Variants in RIMKLA observed in about 807,000 individuals in gnomAD.
The protein encoded by RIMKLA is ribosomal modification protein rimK like family member A.
In RIMKLA, 14 loss-of-function variants were observed where a neutral mutation model predicts 32.7. The ratio of observed to expected loss-of-function variants is 0.43; its 90% CI spans 0.28 to 0.67. RIMKLA has a LOEUF of 0.67. Among genes scored for constraint, RIMKLA ranks in the 30% least tolerant of loss-of-function variants. The pLI, the probability that RIMKLA is intolerant of heterozygous loss-of-function variation, is 0.18. For missense variants in RIMKLA, 410 were observed against 519.0 expected (o/e 0.79, Z 2.04); for synonymous variants, 176 against 204.1 (o/e 0.86, Z 1.18).
rs1642885656 is a variant in RIMKLA, at chr1:42,381,210, ACTAGCCGCACT to A, written c.163+119_163+129del. 12 of 744,734 alleles carry A rather than the reference ACTAGCCGCACT, an allele frequency of 1.6e-5. 1 individual carries two copies. The East Asian group carries it at 3.7e-4, about 23-fold the overall frequency. 46.1% of individuals were successfully genotyped at this position (744,734 alleles called of 1,614,324 possible). On this transcript the variant is annotated intron_variant, in intron 1 of 4. Transcript: ENST00000431473. ...AGCAGAGTCTCCTTCGGGCCCGCAC[ACTAGCCGCACT>A]CTAGCTGCGAGACTTCTTGGGGTTG...
At chr1:42,408,163 A>G (rs945526268) in intron 3 of RIMKLA, among the ~76,000 whole-genome samples, 2 of 152,216 alleles carry the variant, frequency 1.3e-5, no homozygotes, top group African/African-American at 4.8e-5. Flanking sequence ...TGCATCGTCC[A>G]CACTTGCTGG....
intron 2 of RIMKLA, among the ~76,000 whole-genome samples, chr1:42,401,294 G>C (rs995067598): frequency 6.6e-6 from 1 of 152,154 alleles, no homozygotes; most frequent in Non-Finnish European, 1.5e-5. Flanking sequence ...ACAGGCCACA[G>C]CCTGTTATTA....
In RIMKLA at chr1:42,387,668, C is replaced by T. The variant is rs149112952; in HGVS notation, c.163+6571C>T. 3.0e-3 allele frequency among the ~76,000 whole-genome samples: 463 copies of T among 152,196 alleles called. 7 individuals carry two copies. The highest frequency in any genetic ancestry group is 9.6e-3 in the East Asian group (50 of 5,188). On this transcript the variant is annotated intron_variant, in intron 1 of 4. Coordinates refer to ENST00000431473, the MANE Select transcript of RIMKLA (RefSeq NM_173642.4). ...TGGGAACAGAGGCAGGCTTCACGCTCATTATTATGATTTTATTCATTTTTT... is the reference window on the plus strand; with the variant it reads ...TGGGAACAGAGGCAGGCTTCACGCTTATTATTATGATTTTATTCATTTTTT...
chr1:42,397,108 C>T (rs1643054346), intron 1 of RIMKLA, among the ~76,000 whole-genome samples: 1 of 152,190 alleles, frequency 6.6e-6, no homozygotes, highest in South Asian at 2.1e-4. Flanking sequence ...GTTCCTTGGA[C>T]TCACATGATC....
At chr1:42,404,258 A>G (rs917122858) in intron 2 of RIMKLA, among the ~76,000 whole-genome samples, 11 of 152,264 alleles carry the variant, frequency 7.2e-5, no homozygotes, top group Admixed American at 2.0e-4. Flanking sequence ...GTATCTACCT[A>G]TATGATTGTT....
chr1:42,410,682 A>T (rs1643189993), intron 4 of RIMKLA, among the ~76,000 whole-genome samples: 1 of 152,202 alleles, frequency 6.6e-6, no homozygotes, highest in South Asian at 2.1e-4. Context: ...CTTTGGTCGA[A>T]TGCATAAACC....
At position 42,421,993 on chromosome 1, in the gene RIMKLA, G is replaced by A. The variant is rs972057888; in HGVS notation, c.*7019G>A. 1.4e-4 allele frequency: 21 copies of A among 152,142 alleles called. No homozygotes were observed. The highest frequency in any genetic ancestry group is 1.9e-4 in the East Asian group (1 of 5,152). The allele number at this position is 152,142 out of a possible 1,614,324, so 9.4% of individuals were successfully genotyped here. On this transcript the variant is annotated 3_prime_UTR_variant, in exon 5 of 5. Transcript: ENST00000431473. The surrounding 1 kb of genome is among the most constrained non-coding windows in gnomAD (Gnocchi z 4.6). ...ACATCACATCAGTAGCTGGGGAATCGGCCCTATTGAGAGTATTTACACCAC... is the reference window on the plus strand; with the variant it reads ...ACATCACATCAGTAGCTGGGGAATCAGCCCTATTGAGAGTATTTACACCAC...
chr1:42,386,020 C>T lies in RIMKLA; in HGVS notation c.163+4923C>T, dbSNP rs189232721. ...CACTGCAACTTCTGCCTCCCGGGTT[C>T]GTGCAGTTCTCCTGCCTCAGCCTCC... On this transcript the variant is annotated intron_variant, in intron 1 of 4. Coordinates refer to ENST00000431473, the MANE Select transcript of RIMKLA (RefSeq NM_173642.4). 1.1e-3 allele frequency among the ~76,000 whole-genome samples: 172 copies of T among 151,430 alleles called. 2 individuals carry two copies. The highest frequency in any genetic ancestry group is 0.01 in the Admixed American group (156 of 15,138).
intron 2 of RIMKLA, among the ~76,000 whole-genome samples, chr1:42,403,958 G>A (rs977644607): frequency 5.9e-5 from 9 of 152,276 alleles, no homozygotes; most frequent in Admixed American, 4.6e-4. Flanking sequence ...GCTGTCCTCC[G>A]CTCCCTGCCA....
At chr1:42,382,424 T>C (rs1176665801) in intron 1 of RIMKLA, among the ~76,000 whole-genome samples, 1 of 152,260 alleles carries the variant, frequency 6.6e-6, no homozygotes, top group Non-Finnish European at 1.5e-5. Context: ...AAACCACTTT[T>C]GTCTTTGAAT....
At chr1:42,385,438 G>C (rs868756873) in intron 1 of RIMKLA, among the ~76,000 whole-genome samples, 1 of 152,120 alleles carries the variant, frequency 6.6e-6, no homozygotes, top group Non-Finnish European at 1.5e-5. Context: ...TTGTGTTACT[G>C]TTTGTCTCTT....
At chr1:42,410,395 C>G (rs1236037209) in intron 4 of RIMKLA, among the ~76,000 whole-genome samples, 2 of 152,070 alleles carry the variant, frequency 1.3e-5, no homozygotes, top group Non-Finnish European at 2.9e-5. Context: ...CAAGGAGTGT[C>G]AGGACATGGA....
At chr1:42,404,152 C>G (rs1386964205) in intron 2 of RIMKLA, among the ~76,000 whole-genome samples, 2 of 152,166 alleles carry the variant, frequency 1.3e-5, no homozygotes, top group Non-Finnish European at 2.9e-5. Context: ...TCATTGGTCC[C>G]TTCCACACTT....
Position 42,422,617 on chromosome 1 carries a change from C to T in RIMKLA, c.*7643C>T, listed in dbSNP as rs1290572950. ...TTGCCTTTGTCTCCAAAATTCTGTGCCTTTTGGTGGTTCTTGTAAAGTAAG... is the reference window on the plus strand; with the variant it reads ...TTGCCTTTGTCTCCAAAATTCTGTGTCTTTTGGTGGTTCTTGTAAAGTAAG... On this transcript the variant is annotated 3_prime_UTR_variant, in exon 5 of 5. Transcript: ENST00000431473. 1.3e-5 allele frequency: 2 copies of T among 152,086 alleles called. No homozygotes were observed. The highest frequency in any genetic ancestry group is 2.9e-5 in the Non-Finnish European group (2 of 68,016). 9.4% of individuals were successfully genotyped at this position (152,086 alleles called of 1,614,324 possible). A position where few individuals can be genotyped will look rare whatever the true frequency, so the allele number is the denominator to read the frequency against.
At chr1:42,391,993 T>C (rs1643003624) in intron 1 of RIMKLA, among the ~76,000 whole-genome samples, 1 of 152,200 alleles carries the variant, frequency 6.6e-6, no homozygotes, top group Admixed American at 6.5e-5. Context: ...TTTCATCTCA[T>C]GTTGTTTCAA....
chr1:42,388,914 A>G (rs1024550183), intron 1 of RIMKLA, among the ~76,000 whole-genome samples: 1 of 152,202 alleles, frequency 6.6e-6, no homozygotes, highest in African/African-American at 2.4e-5. Flanking sequence ...AGGCACCAAG[A>G]GCAGAAGTAG....
chr1:42,404,735 G>A (rs960264977), intron 3 of RIMKLA, 138 bp downstream of exon 3: 1 of 608,114 alleles, frequency 1.6e-6, no homozygotes, highest in African/African-American at 1.8e-5. Context: ...CTTTCTCTTT[G>A]TCCTCTGTTC....
At chr1:42,388,267 C>T (rs12116983) in intron 1 of RIMKLA, among the ~76,000 whole-genome samples, 60,363 of 151,796 alleles carry the variant, frequency 0.4, 12,617 homozygotes, top group Middle Eastern at 0.54. Flanking sequence ...TACGGTGGTA[C>T]GATCTCGGCT....
At chr1:42,389,137 A>C (rs1642975697) in intron 1 of RIMKLA, among the ~76,000 whole-genome samples, 1 of 152,214 alleles carries the variant, frequency 6.6e-6, no homozygotes, top group African/African-American at 2.4e-5. Context: ...TGGAAGAATA[A>C]AATATGTTAT....
Sources: gnomAD v4.1 joint callset for allele counts (sites outside exome capture counted in the v4.1 genomes callset) on GRCh38, gnomAD v4.1.1 for gene constraint, Gnocchi (gnomAD v3.1) non-coding constraint, MANE v1.5 for transcripts, NCBI Gene and HGNC (gene_info 2026-07-23, HGNC 2026-07-21) for gene names.